Variants in ZFAT observed in about 807,000 individuals in gnomAD.
ZFAT encodes the protein zinc finger protein ZFAT.
In ZFAT, 64 loss-of-function variants were observed where a neutral mutation model predicts 117.7. The ratio of observed to expected loss-of-function variants is 0.54; its 90% CI spans 0.44 to 0.67. ZFAT has a LOEUF of 0.67. Ranked by LOEUF, ZFAT falls within the 30% of genes least tolerant of loss-of-function variation. The pLI, the probability that ZFAT is intolerant of heterozygous loss-of-function variation, is 0.00. For missense variants in ZFAT, 1,433 were observed against 1,584.5 expected (o/e 0.90, Z 1.62); for synonymous variants, 679 against 615.0 (o/e 1.10, Z -1.54).
chr8:134,520,880 T>G lies in ZFAT; in HGVS notation c.3234+3A>C. 1 of 1,612,364 alleles carries G rather than the reference T, an allele frequency of 6.2e-7. No individual in the cohort carries two copies. Among genetic ancestry groups the G allele is most frequent in the Non-Finnish European group, 8.5e-7 (1 of 1,178,742 alleles). On this transcript the variant is annotated splice_donor_region_variant and intron_variant, in intron 13 of 15. Coordinates refer to ENST00000377838, the MANE Select transcript of ZFAT (RefSeq NM_020863.4). The stretch of plus-strand genomic sequence containing the variant: ...AGATTAATACCATACTTAAAAAAAT[T>G]ACCTCCCACTTGGGGTCTCCATCAA...
intron 1 of ZFAT, among the ~76,000 whole-genome samples, chr8:134,691,146 T>C (rs1833565310): frequency 6.6e-6 from 1 of 152,246 alleles, no homozygotes; most frequent in Non-Finnish European, 1.5e-5. Flanking sequence ...CTGCCACCTG[T>C]GTTTACATCA....
At chr8:134,484,934 C>T (rs1215863764) in intron 15 of ZFAT, among the ~76,000 whole-genome samples, 1 of 152,110 alleles carries the variant, frequency 6.6e-6, no homozygotes, top group Non-Finnish European at 1.5e-5. Context: ...TAGCTGGGAC[C>T]ATCCTTGGAT....
At chr8:134,598,644 T>C (rs1005571706) in intron 7 of ZFAT, 1 of 152,154 alleles carries the variant, frequency 6.6e-6, no homozygotes, top group Admixed American at 6.5e-5. Context: ...CATGGAAAAA[T>C]ACATACAGTC....
chr8:134,550,187 C>T (rs1023609190), intron 11 of ZFAT, among the ~76,000 whole-genome samples: 2 of 151,904 alleles, frequency 1.3e-5, no homozygotes, highest in African/African-American at 4.8e-5. Context: ...CCGAGTCCAC[C>T]GGGCACCACC....
In ZFAT at chr8:134,624,718, G is replaced by A. The variant is rs567796396; in HGVS notation, c.448+12743C>T. Among the ~76,000 whole-genome samples the A allele has an allele frequency of 1.4e-4, 21 of 152,248 alleles. No individual in the cohort carries two copies. The South Asian group carries it at 1.9e-3, about 14-fold the overall frequency. On this transcript the variant is annotated intron_variant, in intron 3 of 15. Transcript: ENST00000377838. Reference sequence around the variant, plus strand: ...CCTACACTCTTAGTGCAGGATTTGCGTCCGAATTTCTTACCCTTGAATTCC... The same window carrying A: ...CCTACACTCTTAGTGCAGGATTTGCATCCGAATTTCTTACCCTTGAATTCC...
At chr8:134,593,105 A>G (rs953940008) in intron 7 of ZFAT, among the ~76,000 whole-genome samples, 4 of 151,132 alleles carry the variant, frequency 2.6e-5, no homozygotes, top group Non-Finnish European at 4.4e-5. Context: ...TCAGGCGGGC[A>G]TCCTGGAGGA....
At chr8:134,779,113 A>G in the ZFAT span, among the ~76,000 whole-genome samples, 1 of 152,254 alleles carries the variant, frequency 6.6e-6, no homozygotes, top group East Asian at 1.9e-4. Context: ...GTCTGTGCTT[A>G]AGCCAGGGAA....
the ZFAT span, among the ~76,000 whole-genome samples, chr8:134,737,821 C>G: frequency 1.3e-5 from 2 of 152,186 alleles, no homozygotes; most frequent in Admixed American, 6.5e-5. Context: ...TCTCTCGGCT[C>G]CTATCCAAGT....
chr8:134,726,339 C>T, the ZFAT span, among the ~76,000 whole-genome samples: 2 of 152,188 alleles, frequency 1.3e-5, no homozygotes, highest in African/African-American at 2.4e-5. Flanking sequence ...ATTTTTCCGT[C>T]GGGCAAGCTG....
the ZFAT span, among the ~76,000 whole-genome samples, chr8:134,803,332 C>T: frequency 6.6e-6 from 1 of 152,198 alleles, no homozygotes; most frequent in South Asian, 2.1e-4. Context: ...TACCACAGAA[C>T]ACATTACATT....
intron 1 of ZFAT, chr8:134,674,899 G>C (rs1832721398): frequency 6.2e-6 from 1 of 162,274 alleles, no homozygotes; most frequent in Admixed American, 6.4e-5. Flanking sequence ...CTGCAGCAGA[G>C]GGGCCTGACT....
At chr8:134,646,290 T>G (rs1171719416) in intron 2 of ZFAT, among the ~76,000 whole-genome samples, 2 of 152,014 alleles carry the variant, frequency 1.3e-5, no homozygotes, top group African/African-American at 4.8e-5. Context: ...ATTCAAAAAT[T>G]TATGAAAATT....
intron 1 of ZFAT, among the ~76,000 whole-genome samples, chr8:134,709,485 G>C (rs1813907486): frequency 6.6e-6 from 1 of 152,186 alleles, no homozygotes; most frequent in South Asian, 2.1e-4. Flanking sequence ...AAATGTTCCA[G>C]CCCTTAAAGT....
At chr8:134,727,153 A>G in the ZFAT span, among the ~76,000 whole-genome samples, 1 of 152,092 alleles carries the variant, frequency 6.6e-6, no homozygotes, top group Non-Finnish European at 1.5e-5. Flanking sequence ...AAACAAAACA[A>G]GGAGTAATGT....
At chr8:134,696,546 C>T (rs1833852812) in intron 1 of ZFAT, 1 of 985,984 alleles carries the variant, frequency 1.0e-6, no homozygotes, top group South Asian at 4.7e-5. Flanking sequence ...TCTTCTCAGA[C>T]TCCTGCACTC....
intron 10 of ZFAT, among the ~76,000 whole-genome samples, chr8:134,578,784 G>A (rs1041412107): frequency 2.6e-5 from 4 of 152,140 alleles, no homozygotes; most frequent in Non-Finnish European, 5.9e-5. Context: ...AAGACAGAAC[G>A]CACAGGATTT....
At chr8:134,805,921 G>T in the ZFAT span, among the ~76,000 whole-genome samples, 1 of 152,048 alleles carries the variant, frequency 6.6e-6, no homozygotes, top group African/African-American at 2.4e-5. Flanking sequence ...AGGCTGCAGT[G>T]AGCTGAGCTC....
At chr8:134,771,731 C>T in the ZFAT span, among the ~76,000 whole-genome samples, 7 of 152,212 alleles carry the variant, frequency 4.6e-5, no homozygotes, top group Non-Finnish European at 8.8e-5. Context: ...CAGCAGCTCC[C>T]CACTCTACTG....
At chr8:134,511,558 GA>G (rs1292471300) in intron 14 of ZFAT, among the ~76,000 whole-genome samples, 1 of 152,148 alleles carries the variant, frequency 6.6e-6, no homozygotes. Flanking sequence ...GGGGTTTTAG[GA>G]ACTGGGTAAA....
Sources: gnomAD v4.1 joint callset for allele counts (sites outside exome capture counted in the v4.1 genomes callset) on GRCh38, gnomAD v4.1.1 for gene constraint, MANE v1.5 for transcripts, NCBI Gene and HGNC (gene_info 2026-07-23, HGNC 2026-07-21) for gene names.